The following TMEFF1 variants were observed in gnomAD, a reference collection of about 807,000 sequenced individuals.
TMEFF1 encodes tomoregulin-1.
In TMEFF1, 20 loss-of-function variants were observed where a neutral mutation model predicts 47.5. That is an observed-to-expected ratio of 0.42 (90% CI 0.30 to 0.61). The LOEUF (loss-of-function observed/expected upper bound fraction) is 0.61. Ranked by LOEUF, TMEFF1 falls within the 20% of genes least tolerant of loss-of-function variation. The pLI is 0.19. For missense variants in TMEFF1, 411 were observed against 471.1 expected, an observed-to-expected ratio of 0.87 and a Z score of 1.18; for synonymous variants, 162 against 166.3, an observed-to-expected ratio of 0.97 and a Z score of 0.20.
chr9:100,540,246 AGAGCACT>A (rs1838603593), intron 5 of TMEFF1, among the ~76,000 whole-genome samples: 1 of 152,066 alleles, frequency 6.6e-6, no homozygotes, highest in Admixed American at 6.5e-5. Context: ...AGCTAGACAC[AGAGCACT>A]GATTGGTGTG....
intron 5 of TMEFF1, among the ~76,000 whole-genome samples, chr9:100,541,348 A>ATTTTT (rs34971752): frequency 2.8e-5 from 3 of 106,792 alleles, no homozygotes; most frequent in Non-Finnish European, 4.0e-5. Context: ...TGGCAATTTC[A>ATTTTT]TTTTTTTTTT....
chr9:100,499,654 G>C (rs1837722039), intron 2 of TMEFF1, among the ~76,000 whole-genome samples: 1 of 152,128 alleles, frequency 6.6e-6, no homozygotes, highest in South Asian at 2.1e-4. Context: ...AGTATTTCTG[G>C]TAACCCTGTG....
chr9:100,473,505 T>G lies in TMEFF1; in HGVS notation c.-40T>G. On this transcript the variant is annotated 5_prime_UTR_variant, in exon 1 of 10. Transcript: ENST00000374879. This position sits in a 1 kb window ranked among gnomAD's most constrained non-coding sequence, Gnocchi z 5.4. ...GGCGCGCGGCTGGATGCCCCCGGCCTGCGGCTCCCTGCGCTTCCCGCCGTC... is the reference window on the plus strand; with the variant it reads ...GGCGCGCGGCTGGATGCCCCCGGCCGGCGGCTCCCTGCGCTTCCCGCCGTC... 2 of 1,347,750 alleles carry G rather than the reference T, an allele frequency of 1.5e-6. No homozygotes were observed. The highest frequency in any genetic ancestry group is 1.9e-6 in the Non-Finnish European group (2 of 1,053,088). 83.5% of individuals were successfully genotyped at this position (1,347,750 alleles called of 1,614,324 possible).
At chr9:100,475,671 AG>A (rs1279151229) in intron 1 of TMEFF1, among the ~76,000 whole-genome samples, 6 of 151,940 alleles carry the variant, frequency 3.9e-5, no homozygotes, top group African/African-American at 1.5e-4. Context: ...AAAGAAATAG[AG>A]GGATGGATAC....
chr9:100,532,405 A>T lies in TMEFF1; in HGVS notation c.561-15339A>T, dbSNP rs529357630. 2.1e-3 allele frequency among the ~76,000 whole-genome samples: 316 copies of T among 152,290 alleles called. 1 individual carries two copies. The highest frequency in any genetic ancestry group is 0.01 in the South Asian group (50 of 4,824). On this transcript the variant is annotated intron_variant, in intron 5 of 9. Coordinates refer to ENST00000374879, the MANE Select transcript of TMEFF1 (RefSeq NM_003692.5). Reference sequence around the variant, plus strand: ...CCAACAAATTTACAAGAAAAAAACAACCCCATCAAAAAGTGGGCAAAGGAC... The same window carrying T: ...CCAACAAATTTACAAGAAAAAAACATCCCCATCAAAAAGTGGGCAAAGGAC...
At chr9:100,574,116 T>C (rs1839304183) in intron 9 of TMEFF1, among the ~76,000 whole-genome samples, 1 of 152,232 alleles carries the variant, frequency 6.6e-6, no homozygotes, top group Non-Finnish European at 1.5e-5. Context: ...TTGGGAAACA[T>C]GTTTGCCCAG....
intron 1 of TMEFF1, among the ~76,000 whole-genome samples, chr9:100,482,740 T>G (rs1837365585): frequency 6.6e-6 from 1 of 152,212 alleles, no homozygotes; most frequent in Admixed American, 6.5e-5. Flanking sequence ...CAAATTGGTG[T>G]ACATTCCCTC....
At chr9:100,512,907 C>T (rs1260076632) in intron 3 of TMEFF1, among the ~76,000 whole-genome samples, 2 of 151,886 alleles carry the variant, frequency 1.3e-5, no homozygotes, top group Non-Finnish European at 2.9e-5. Context: ...AGCTCTTTTC[C>T]TGCCTTTCTA....
intron 1 of TMEFF1, among the ~76,000 whole-genome samples, chr9:100,489,370 T>G (rs80065038): frequency 0.11 from 16,898 of 152,122 alleles, 1,085 homozygotes; most frequent in Middle Eastern, 0.18. Context: ...GCCTGGCAGA[T>G]TTTTGCATGG....
chr9:100,525,824 A>G (rs892897139), intron 5 of TMEFF1, among the ~76,000 whole-genome samples: 7 of 152,170 alleles, frequency 4.6e-5, no homozygotes, highest in African/African-American at 1.4e-4. Flanking sequence ...AAGATATGTC[A>G]AGGGAACTCT....
intron 1 of TMEFF1, among the ~76,000 whole-genome samples, chr9:100,476,699 GTT>G (rs60623249): frequency 1.7e-5 from 2 of 115,824 alleles, no homozygotes; most frequent in Non-Finnish European, 1.8e-5. Context: ...GGCCTATTTC[GTT>G]TTTTTTTTTT....
At chr9:100,526,617 C>T (rs973021788) in intron 5 of TMEFF1, among the ~76,000 whole-genome samples, 2 of 151,910 alleles carry the variant, frequency 1.3e-5, no homozygotes, top group Admixed American at 6.6e-5. Flanking sequence ...GGTACATATA[C>T]GTTATTAGTT....
chr9:100,568,332 G>C (rs1037381560), intron 8 of TMEFF1, among the ~76,000 whole-genome samples: 5 of 152,060 alleles, frequency 3.3e-5, no homozygotes, highest in African/African-American at 1.2e-4. Context: ...TTGACTATTG[G>C]CCATTAGCCT....
At chr9:100,482,796 C>T (rs1282714000) in intron 1 of TMEFF1, among the ~76,000 whole-genome samples, 1 of 152,146 alleles carries the variant, frequency 6.6e-6, no homozygotes, top group Non-Finnish European at 1.5e-5. Flanking sequence ...GACCTTATTT[C>T]TCCAGTGCCT....
intron 1 of TMEFF1, among the ~76,000 whole-genome samples, chr9:100,487,169 A>G (rs1426338558): frequency 1.3e-5 from 2 of 150,084 alleles, no homozygotes; most frequent in Non-Finnish European, 3.0e-5. Context: ...ATTTTTATTT[A>G]TTAGTATTTT....
At chr9:100,550,607 A>G (rs1293900254) in intron 7 of TMEFF1, among the ~76,000 whole-genome samples, 1 of 152,098 alleles carries the variant, frequency 6.6e-6, no homozygotes, top group East Asian at 1.9e-4. Context: ...ATTTTGGGAA[A>G]TATCCCTTGA....
chr9:100,545,557 C>T (rs577593177), intron 5 of TMEFF1, among the ~76,000 whole-genome samples: 26 of 152,362 alleles, frequency 1.7e-4, no homozygotes, highest in Admixed American at 1.3e-3. Context: ...AGACCTCTGA[C>T]ATGCCCTGGA....
At chr9:100,518,322 ATGTAGCCTATTCCC>A in intron 5 of TMEFF1, 1 of 399,002 alleles carries the variant, frequency 2.5e-6, no homozygotes, top group Non-Finnish European at 3.4e-6. Flanking sequence ...ATAGTGTAAT[ATGTAGCCTATTCCC>A]AATCAGAGCA....
chr9:100,520,451 A>T (rs1028555828), intron 5 of TMEFF1, among the ~76,000 whole-genome samples: 1 of 152,232 alleles, frequency 6.6e-6, no homozygotes, highest in Non-Finnish European at 1.5e-5. Context: ...CTTGCTTTTA[A>T]AAATTCTTTC....
Sources: gnomAD v4.1 joint callset for allele counts (sites outside exome capture counted in the v4.1 genomes callset) on GRCh38, gnomAD v4.1.1 for gene constraint, Gnocchi (gnomAD v3.1) non-coding constraint, MANE v1.5 for transcripts, NCBI Gene and HGNC (gene_info 2026-07-23, HGNC 2026-07-21) for gene names.